Variants in ADRA1B observed in about 807,000 individuals in gnomAD.
ADRA1B encodes adrenoceptor alpha 1B.
Under a neutral mutation model 17.9 loss-of-function variants are expected in ADRA1B, and 17 were observed. That is an observed-to-expected ratio of 0.95 (90% CI 0.65 to 1.42). ADRA1B has a LOEUF of 1.42. ADRA1B is among the 40% of genes most tolerant of loss of function. The pLI is 0.00. For missense variants in ADRA1B, 681 were observed against 722.1 expected (o/e 0.94, Z 0.65); for synonymous variants, 366 against 327.6 (o/e 1.12, Z -1.27).
intron 1 of ADRA1B, among the ~76,000 whole-genome samples, chr5:159,918,415 C>T (rs977708984): frequency 2.6e-5 from 4 of 152,212 alleles, no homozygotes; most frequent in Non-Finnish European, 4.4e-5. Flanking sequence ...AGATATACTA[C>T]GTTCATTATC....
chr5:159,868,368 T>C (rs1437707130), intron 1 of ADRA1B: 2 of 152,222 alleles, frequency 1.3e-5, no homozygotes, highest in Non-Finnish European at 2.9e-5. Flanking sequence ...GGATTCATTC[T>C]AATTGAGAGG....
chr5:159,937,447 GT>G (rs60153715), intron 1 of ADRA1B, among the ~76,000 whole-genome samples: 18,556 of 145,844 alleles, frequency 0.13, 1,363 homozygotes, highest in Non-Finnish European at 0.17. Flanking sequence ...TTGTTTTTTT[GT>G]TTTTTTTTTT....
chr5:159,985,227 C>T, the ADRA1B span, among the ~76,000 whole-genome samples: 1 of 152,196 alleles, frequency 6.6e-6, no homozygotes, highest in Non-Finnish European at 1.5e-5. Flanking sequence ...ATTACCCATT[C>T]TAAAACAGAT....
At chr5:159,964,408 T>C (rs1755734615) in intron 1 of ADRA1B, among the ~76,000 whole-genome samples, 1 of 152,364 alleles carries the variant, frequency 6.6e-6, no homozygotes, top group South Asian at 2.1e-4. Flanking sequence ...TTTGTTTTCA[T>C]CTTATTTTCT....
At chr5:159,986,242 A>G in the ADRA1B span, among the ~76,000 whole-genome samples, 36 of 152,298 alleles carry the variant, frequency 2.4e-4, no homozygotes, top group African/African-American at 7.9e-4. Flanking sequence ...CTACAGGTGC[A>G]TGCCACCATG....
chr5:159,873,225 G>T (rs1753767804), intron 1 of ADRA1B, among the ~76,000 whole-genome samples: 1 of 152,146 alleles, frequency 6.6e-6, no homozygotes, highest in African/African-American at 2.4e-5. Context: ...AAATAGTGCT[G>T]CAATAAACAT....
At chr5:159,945,974 T>C (rs528177940) in intron 1 of ADRA1B, among the ~76,000 whole-genome samples, 119 of 152,202 alleles carry the variant, frequency 7.8e-4, no homozygotes, top group African/African-American at 1.6e-3. Flanking sequence ...GTCTTGATCT[T>C]CTGACCTCCT....
chr5:159,949,196 A>G (rs1261643332), intron 1 of ADRA1B, among the ~76,000 whole-genome samples: 2 of 152,200 alleles, frequency 1.3e-5, no homozygotes, highest in African/African-American at 2.4e-5. Context: ...CCTACCCTCA[A>G]TGTATGAATG....
chr5:159,944,890 C>G (rs1215620843), intron 1 of ADRA1B, among the ~76,000 whole-genome samples: 1 of 152,100 alleles, frequency 6.6e-6, no homozygotes, highest in Non-Finnish European at 1.5e-5. Flanking sequence ...AAAGCCACTG[C>G]CTCCATGAAG....
At chr5:159,881,899 G>T (rs555813155) in intron 1 of ADRA1B, among the ~76,000 whole-genome samples, 4 of 152,140 alleles carry the variant, frequency 2.6e-5, no homozygotes, top group Non-Finnish European at 5.9e-5. Flanking sequence ...ATGAAGTCCT[G>T]GAAAGCCTGA....
chr5:159,890,795 C>T (rs1300362859), intron 1 of ADRA1B, among the ~76,000 whole-genome samples: 1 of 152,244 alleles, frequency 6.6e-6, no homozygotes, highest in Non-Finnish European at 1.5e-5. Flanking sequence ...AGACTTGCCC[C>T]ATTTCAAGGG....
At chr5:159,959,119 A>T (rs927289440) in intron 1 of ADRA1B, among the ~76,000 whole-genome samples, 2 of 152,214 alleles carry the variant, frequency 1.3e-5, no homozygotes, top group Admixed American at 1.3e-4. Context: ...ACAGTTCCCA[A>T]AGAGTTAAGA....
upstream of ADRA1B, among the ~76,000 whole-genome samples, chr5:159,912,298 C>G (rs576480374): frequency 6.6e-6 from 1 of 152,330 alleles, no homozygotes; most frequent in African/African-American, 2.4e-5. Flanking sequence ...GGGACATAAA[C>G]CCAGGTGTGT....
At chr5:159,899,945 A>T (rs1754083967) in intron 1 of ADRA1B, among the ~76,000 whole-genome samples, 1 of 150,970 alleles carries the variant, frequency 6.6e-6, no homozygotes, top group Non-Finnish European at 1.5e-5. Context: ...GTAAGATGAG[A>T]AGTAAGGCTG....
chr5:159,978,268 G>A, the ADRA1B span, among the ~76,000 whole-genome samples: 10 of 152,200 alleles, frequency 6.6e-5, no homozygotes, highest in South Asian at 2.1e-3. Context: ...GAATAAATGT[G>A]TACTACCCTG....
upstream of ADRA1B, among the ~76,000 whole-genome samples, chr5:159,915,071 T>A (rs949214089): frequency 6.6e-6 from 1 of 152,200 alleles, no homozygotes; most frequent in Non-Finnish European, 1.5e-5. Context: ...AGCGCTCAAT[T>A]CATGGGAGTC....
At chr5:159,979,511 T>G in the ADRA1B span, among the ~76,000 whole-genome samples, 8 of 152,100 alleles carry the variant, frequency 5.3e-5, no homozygotes, top group Non-Finnish European at 7.4e-5. Context: ...AATCCAAGGG[T>G]TCATGTCCAT....
At chr5:159,935,950 T>A (rs1754943955) in intron 1 of ADRA1B, among the ~76,000 whole-genome samples, 1 of 152,246 alleles carries the variant, frequency 6.6e-6, no homozygotes, top group African/African-American at 2.4e-5. Context: ...TCCTGCTTCT[T>A]TACTACCTGT....
chr5:159,911,354 C>G (rs1366234043), intron 1 of ADRA1B, among the ~76,000 whole-genome samples: 1 of 152,238 alleles, frequency 6.6e-6, no homozygotes, highest in Non-Finnish European at 1.5e-5. Flanking sequence ...GAGAATGGAT[C>G]TGCTCTCTAG....
Sources: gnomAD v4.1 joint callset for allele counts (sites outside exome capture counted in the v4.1 genomes callset) on GRCh38, gnomAD v4.1.1 for gene constraint, MANE v1.5 for transcripts, NCBI Gene and HGNC (gene_info 2026-07-23, HGNC 2026-07-21) for gene names.